The following IL16 variants were observed in gnomAD, a reference collection of about 807,000 sequenced individuals.
IL16 encodes interleukin 16.
In IL16, 67 loss-of-function variants were observed where a neutral mutation model predicts 110.1. The observed-to-expected ratio is 0.61, with a 90% confidence interval of 0.50 to 0.75. The LOEUF is 0.75. Ranked by LOEUF, IL16 falls within the 30% of genes least tolerant of loss-of-function variation. IL16 has a pLI of 0.00. For synonymous variants in IL16, 689 were observed against 662.9 expected (o/e 1.04, Z -0.61); for missense variants, 1,545 against 1,655.0 (o/e 0.93, Z 1.15).
intron 12 of IL16, chr15:81,295,281 C>T: frequency 1.2e-6 from 1 of 840,562 alleles, no homozygotes; most frequent in South Asian, 2.5e-5. Context: ...AAGCATGGTT[C>T]CAGGAAACAC....
chr15:81,285,570 G>A, intron 9 of IL16, 128 bp from the exon 10 acceptor site: 1 of 957,924 alleles, frequency 1.0e-6, no homozygotes. Flanking sequence ...TGGCTAGTGG[G>A]GTCTACTTAT....
intron 12 of IL16, among the ~76,000 whole-genome samples, chr15:81,295,123 A>G (rs927609051): frequency 1.3e-5 from 2 of 152,154 alleles, no homozygotes; most frequent in African/African-American, 4.8e-5. Flanking sequence ...GCTTTAAAAA[A>G]CTTGCTTAAA....
chr15:81,300,743 T>A (rs1168161681), intron 14 of IL16, among the ~76,000 whole-genome samples: 5 of 152,106 alleles, frequency 3.3e-5, no homozygotes, highest in African/African-American at 1.2e-4. Flanking sequence ...TGGGACTGGC[T>A]CCCTGGTGAA....
chr15:81,243,407 A>G (rs888961099), intron 2 of IL16, among the ~76,000 whole-genome samples: 3 of 149,840 alleles, frequency 2.0e-5, no homozygotes, highest in Non-Finnish European at 4.4e-5. Context: ...CTGGTTTCAA[A>G]CTCCTGAGCT....
intron 2 of IL16, among the ~76,000 whole-genome samples, chr15:81,259,107 T>G (rs1408682473): frequency 1.3e-5 from 2 of 152,214 alleles, no homozygotes; most frequent in African/African-American, 4.8e-5. Flanking sequence ...TATTGATTTT[T>G]AAAAGCCCTA....
intron 2 of IL16, among the ~76,000 whole-genome samples, chr15:81,230,542 G>C (rs1398440713): frequency 6.6e-6 from 1 of 152,128 alleles, no homozygotes; most frequent in African/African-American, 2.4e-5. Context: ...GAAGGGGGCA[G>C]GTGTAAGCAT....
chr15:81,226,594 T>C (rs950661511), intron 2 of IL16, among the ~76,000 whole-genome samples: 13 of 152,228 alleles, frequency 8.5e-5, no homozygotes, highest in African/African-American at 3.1e-4. Context: ...CTGTACAGCT[T>C]GCCTTCTTCA....
chr15:81,266,502 C>T (rs976248505), intron 4 of IL16, among the ~76,000 whole-genome samples: 3 of 152,176 alleles, frequency 2.0e-5, no homozygotes, highest in African/African-American at 7.2e-5. Context: ...GAGAGCTAAG[C>T]AGATATAAAG....
At chr15:81,281,533 G>T (rs1014407633) in intron 8 of IL16, among the ~76,000 whole-genome samples, 2 of 152,188 alleles carry the variant, frequency 1.3e-5, no homozygotes, top group Admixed American at 6.5e-5. Context: ...TCTACACGTC[G>T]CTGGGATAGT....
chr15:81,293,814 C>A (rs1414657568), intron 12 of IL16, among the ~76,000 whole-genome samples: 2 of 152,216 alleles, frequency 1.3e-5, no homozygotes, highest in South Asian at 2.1e-4. Flanking sequence ...GTGTCTAGAA[C>A]CATTTTATGC....
At chr15:81,265,849 A>G (rs565456867) in intron 4 of IL16, 48 bp downstream of exon 4, 2 of 1,562,052 alleles carry the variant, frequency 1.3e-6, no homozygotes, top group Non-Finnish European at 1.7e-6. Context: ...TCCCGGGGAG[A>G]AGGGAGGGGC....
rs1442492907 is a variant in IL16, at chr15:81,306,253, T to C, written c.3679+87T>C. On this transcript the variant is annotated intron_variant, in intron 17 of 18. Coordinates refer to ENST00000683961, the MANE Select transcript of IL16 (RefSeq NM_172217.5). ...AGACCTGATGGGGCTACTCAGTAAT[T>C]TGTGACCCCAAGAATGTGTGGCTGC... 11 of 1,540,596 alleles carry C rather than the reference T, an allele frequency of 7.1e-6. No individual in the cohort carries two copies. In the African/African-American group the frequency reaches 1.1e-4, roughly 15 times the overall value.
Position 81,311,223 on chromosome 15 carries a change from G to A in IL16, c.*2425G>A, listed in dbSNP as rs745526145. ...CATCACAGCTAACAATTGTGAAGTCGTCTTAACTCACCATAAAAAGGAATC... is the reference window on the plus strand; with the variant it reads ...CATCACAGCTAACAATTGTGAAGTCATCTTAACTCACCATAAAAAGGAATC... On this transcript the variant is annotated 3_prime_UTR_variant, in exon 19 of 19. Transcript: ENST00000683961. 4.6e-5 allele frequency: 7 copies of A among 152,202 alleles called. No individual in the cohort carries two copies. Among genetic ancestry groups the A allele is most frequent in the Non-Finnish European group, 7.3e-5 (5 of 68,050 alleles). 9.4% of individuals were successfully genotyped at this position (152,202 alleles called of 1,614,324 possible).
intron 4 of IL16, among the ~76,000 whole-genome samples, chr15:81,266,078 C>G (rs922172930): frequency 2.5e-4 from 38 of 152,274 alleles, no homozygotes; most frequent in Admixed American, 7.8e-4. Flanking sequence ...GAACACGGCA[C>G]GCGGGGGGAC....
At chr15:81,206,260 A>G (rs1896014512) in intron 1 of IL16, among the ~76,000 whole-genome samples, 1 of 152,180 alleles carries the variant, frequency 6.6e-6, no homozygotes, top group Admixed American at 6.5e-5. Context: ...ATAGCCTACT[A>G]CACCCCAAGG....
At position 81,278,572 on chromosome 15, in the gene IL16, C is replaced by T. The variant is rs572058577; in HGVS notation, c.791-245C>T. Among the ~76,000 whole-genome samples, 4 of 152,294 alleles carry T rather than the reference C, an allele frequency of 2.6e-5. No homozygotes were observed. In the South Asian group the frequency reaches 8.3e-4, roughly 32 times the overall value. ...AGAGGTGGGCAAGGACCATATCCAG[C>T]CAGGACTTGTGTGCCTGGCTAAGAA... On this transcript the variant is annotated intron_variant, in intron 6 of 18. Coordinates refer to ENST00000683961, the MANE Select transcript of IL16 (RefSeq NM_172217.5).
chr15:81,270,379 A>G (rs1270748676), intron 5 of IL16, among the ~76,000 whole-genome samples: 7 of 152,196 alleles, frequency 4.6e-5, no homozygotes, highest in Non-Finnish European at 7.3e-5. Context: ...TTTATGTAAT[A>G]TAATTTTTTG....
intron 2 of IL16, among the ~76,000 whole-genome samples, chr15:81,233,439 G>T (rs1897077398): frequency 6.7e-6 from 1 of 148,408 alleles, no homozygotes. Context: ...TCCTAATATT[G>T]ATACATATGT....
chr15:81,185,557 G>A (rs1339736247), intron 1 of IL16, among the ~76,000 whole-genome samples: 2 of 152,142 alleles, frequency 1.3e-5, no homozygotes, highest in Admixed American at 1.3e-4. Context: ...GTCTTCCTAT[G>A]TTGCTCAGGC....
Sources: allele counts gnomAD v4.1 joint callset (sites outside exome capture counted in the v4.1 genomes callset), GRCh38; gene constraint gnomAD v4.1.1; transcripts MANE v1.5; gene names NCBI Gene and HGNC (gene_info 2026-07-23, HGNC 2026-07-21).